The following NTRK2 variants were observed in gnomAD, a reference collection of about 807,000 sequenced individuals.
NTRK2 encodes BDNF/NT-3 growth factors receptor.
NTRK2 carries 13 observed loss-of-function variants against 94.5 expected under a neutral mutation model. The observed-to-expected ratio is 0.14, with a 90% CI of 0.09 to 0.22. NTRK2 has a LOEUF of 0.22. NTRK2 is among the 10% of genes least tolerant of loss of function. The pLI, the probability that NTRK2 is intolerant of heterozygous loss-of-function variation, is 1.00. For synonymous variants in NTRK2, 372 were observed against 407.4 expected (o/e 0.91, Z 1.05); for missense variants, 639 against 1,071.2 (o/e 0.60, Z 5.63).
intron 15 of NTRK2, among the ~76,000 whole-genome samples, chr9:84,944,412 G>C (rs2078527073): frequency 6.6e-6 from 1 of 152,040 alleles, no homozygotes; most frequent in Non-Finnish European, 1.5e-5. Flanking sequence ...ACAGGTGTGA[G>C]CCACCATGCC....
At chr9:84,754,763 G>C (rs982027559) in intron 12 of NTRK2, among the ~76,000 whole-genome samples, 6 of 152,140 alleles carry the variant, frequency 3.9e-5, no homozygotes, top group African/African-American at 9.7e-5. Context: ...AAGCATCTTT[G>C]GGGAGGGTCT....
chr9:84,879,122 G>T (rs1030929036), intron 14 of NTRK2, among the ~76,000 whole-genome samples: 1 of 152,058 alleles, frequency 6.6e-6, no homozygotes, highest in Non-Finnish European at 1.5e-5. Flanking sequence ...GTGAGGAAAT[G>T]AATGAGGCTG....
intron 17 of NTRK2, among the ~76,000 whole-genome samples, chr9:85,017,203 G>T (rs142093727): frequency 1.8e-3 from 276 of 152,228 alleles, no homozygotes; most frequent in African/African-American, 5.9e-3. Context: ...GAGAGTGAAG[G>T]TTCCAGAGAA....
intron 14 of NTRK2, among the ~76,000 whole-genome samples, chr9:84,921,513 C>T (rs921764325): frequency 1.3e-5 from 2 of 152,092 alleles, no homozygotes; most frequent in African/African-American, 4.8e-5. Context: ...AAAAAAAATA[C>T]ATCTGGTGGC....
At chr9:84,893,627 G>T (rs2076661193) in intron 14 of NTRK2, among the ~76,000 whole-genome samples, 1 of 152,134 alleles carries the variant, frequency 6.6e-6, no homozygotes, top group Non-Finnish European at 1.5e-5. Context: ...TTATTAGGAG[G>T]TCTGCCTTTG....
Position 84,708,708 on chromosome 9 carries a change from G to A in NTRK2, c.428+796G>A, listed in dbSNP as rs565585560. ...AACTCTATCTTGCCTGAATTGTGGA[G>A]TCTTTTTATGAAGATCCATCCTTAT... On this transcript the variant is annotated intron_variant, in intron 5 of 18. Transcript: ENST00000277120. Among the ~76,000 whole-genome samples, 48 of 152,344 alleles carry A rather than the reference G, an allele frequency of 3.2e-4. No homozygotes were observed. The South Asian group carries it at 9.1e-3, about 29-fold the overall frequency.
intron 2 of NTRK2, among the ~76,000 whole-genome samples, chr9:84,681,874 A>G (rs908895847): frequency 6.6e-6 from 1 of 152,204 alleles, no homozygotes; most frequent in African/African-American, 2.4e-5. Flanking sequence ...CTATATAAAG[A>G]GGCATATAAC....
intron 15 of NTRK2, among the ~76,000 whole-genome samples, chr9:84,945,390 C>T (rs2078565228): frequency 6.6e-6 from 1 of 152,134 alleles, no homozygotes; most frequent in Admixed American, 6.5e-5. Context: ...CAGGCATGTA[C>T]CCAACACCAT....
intron 14 of NTRK2, among the ~76,000 whole-genome samples, chr9:84,879,890 C>G (rs2076203961): frequency 6.6e-6 from 1 of 152,136 alleles, no homozygotes; most frequent in Non-Finnish European, 1.5e-5. Context: ...AAAGGAGGAA[C>G]CTGCCAGTGG....
At position 85,004,039 on chromosome 9, in the gene NTRK2, A is replaced by AAGAAAGAAAAGAAAGAG. The variant is rs1339819904; in HGVS notation, c.2173-16161_2173-16160insAAAAGAAAGAGAGAAAG. ...AAAGAGAGAAAGAAAGAAAGAGAGAAAGAAAGGGAGAAAGAGAAAGAAAGG... is the reference window on the plus strand; with the variant it reads ...AAAGAGAGAAAGAAAGAAAGAGAGAAAGAAAGAAAAGAAAGAGAGAAAGGGAGAAAGAGAAAGAAAGG... On this transcript the variant is annotated intron_variant, in intron 17 of 18. Coordinates refer to ENST00000277120, the MANE Select transcript of NTRK2 (RefSeq NM_006180.6). Among the ~76,000 whole-genome samples, 34 of 40,942 alleles carry AAGAAAGAAAAGAAAGAG rather than the reference A, an allele frequency of 8.3e-4. 5 individuals carry two copies. Among genetic ancestry groups the AAGAAAGAAAAGAAAGAG allele is most frequent in the African/African-American group, 1.0e-3 (8 of 7,738 alleles). 26.9% of individuals were successfully genotyped at this position (40,942 alleles called of 152,430 possible). A position where few individuals can be genotyped will look rare whatever the true frequency, so the allele number is the denominator to read the frequency against.
intron 17 of NTRK2, among the ~76,000 whole-genome samples, chr9:84,983,480 G>T (rs1362269861): frequency 3.3e-5 from 5 of 152,164 alleles, no homozygotes; most frequent in Non-Finnish European, 7.4e-5. Flanking sequence ...GAACCCTTGG[G>T]CTGCTTCTAC....
chr9:84,859,769 T>C (rs2075243287), intron 12 of NTRK2, among the ~76,000 whole-genome samples: 1 of 152,234 alleles, frequency 6.6e-6, no homozygotes, highest in South Asian at 2.1e-4. Context: ...ATGGGGTTAG[T>C]TGTAACTAAG....
chr9:84,885,780 C>A (rs2076394287), intron 14 of NTRK2, among the ~76,000 whole-genome samples: 1 of 152,176 alleles, frequency 6.6e-6, no homozygotes, highest in African/African-American at 2.4e-5. Context: ...GTAATCTCAG[C>A]ACTTTGGGAG....
At chr9:84,706,521 G>GTTTTTTTTTTTTT (rs1173199220) in intron 4 of NTRK2, among the ~76,000 whole-genome samples, 1,159 of 95,162 alleles carry the variant, frequency 0.012, 135 homozygotes, top group Non-Finnish European at 0.015. Flanking sequence ...GTTATTTTTT[G>GTTTTTTTTTTTTT]TTTTTGTTTT....
chr9:84,775,247 A>G (rs2066916913), intron 12 of NTRK2, among the ~76,000 whole-genome samples: 1 of 152,236 alleles, frequency 6.6e-6, no homozygotes, highest in Non-Finnish European at 1.5e-5. Context: ...TTGCCCAGAG[A>G]GAATTGAATC....
At chr9:85,016,885 G>A (rs942390096) in intron 17 of NTRK2, among the ~76,000 whole-genome samples, 5 of 152,096 alleles carry the variant, frequency 3.3e-5, no homozygotes, top group African/African-American at 9.7e-5. Context: ...AAGAATTAGA[G>A]TGAAAAATCT....
chr9:84,835,145 T>C (rs757178070), intron 12 of NTRK2, among the ~76,000 whole-genome samples: 1 of 152,192 alleles, frequency 6.6e-6, no homozygotes, highest in Non-Finnish European at 1.5e-5. Flanking sequence ...AGACGTTTTA[T>C]CTGGGAGCTT....
At chr9:84,982,726 T>C (rs1404059631) in intron 17 of NTRK2, among the ~76,000 whole-genome samples, 1 of 152,236 alleles carries the variant, frequency 6.6e-6, no homozygotes, top group East Asian at 1.9e-4. Flanking sequence ...ACTTATCCAG[T>C]ATGTGGGATG....
intron 6 of NTRK2, 47 bp from the exon 7 acceptor site, chr9:84,723,526 C>A: frequency 1.2e-6 from 2 of 1,607,622 alleles, no homozygotes; most frequent in Non-Finnish European, 8.5e-7. Flanking sequence ...TTTGATACTG[C>A]ATTTAACTAT....
Sources: allele counts gnomAD v4.1 joint callset (sites outside exome capture counted in the v4.1 genomes callset), GRCh38; gene constraint gnomAD v4.1.1; transcripts MANE v1.5; gene names NCBI Gene and HGNC (gene_info 2026-07-23, HGNC 2026-07-21).